The following PDE9A variants were observed in gnomAD, a reference collection of about 807,000 sequenced individuals.
PDE9A encodes phosphodiesterase 9A.
A neutral mutation model predicts 87.4 loss-of-function variants in PDE9A; 60 were observed. The observed-to-expected ratio is 0.69, with a 90% CI of 0.56 to 0.85. The LOEUF (loss-of-function observed/expected upper bound fraction) is 0.85. PDE9A is among the 40% of genes least tolerant of loss of function. The probability of loss-of-function intolerance (pLI) is 0.00; values close to 1 mark genes in which losing one functional copy is unlikely to be tolerated. For missense variants in PDE9A, 665 were observed against 779.0 expected (o/e 0.85, Z 1.74); for synonymous variants, 272 against 279.4 (o/e 0.97, Z 0.27).
At chr21:42,767,349 G>A (rs2056510795) in intron 15 of PDE9A, among the ~76,000 whole-genome samples, 1 of 152,156 alleles carries the variant, frequency 6.6e-6, no homozygotes, top group Admixed American at 6.5e-5. Context: ...CACTGAGGCC[G>A]GCCAGGCACA....
At chr21:42,686,919 C>CA (rs1446336562) in intron 2 of PDE9A, among the ~76,000 whole-genome samples, 1 of 152,228 alleles carries the variant, frequency 6.6e-6, no homozygotes, top group East Asian at 1.9e-4. Context: ...CCCAGCCCCA[C>CA]ATCACCCCAT....
At chr21:42,773,401 C>T (rs893270561) in intron 19 of PDE9A, among the ~76,000 whole-genome samples, 6 of 152,066 alleles carry the variant, frequency 3.9e-5, no homozygotes, top group Non-Finnish European at 7.3e-5. Context: ...GAAAACTTTT[C>T]ACAAATCACG....
intron 8 of PDE9A, among the ~76,000 whole-genome samples, chr21:42,748,975 T>A (rs1440133722): frequency 3.3e-5 from 5 of 152,232 alleles, no homozygotes; most frequent in African/African-American, 1.2e-4. Context: ...ATCCTCCTAA[T>A]GGCATAATAG....
chr21:42,658,345 G>A (rs1319440427), intron 1 of PDE9A, among the ~76,000 whole-genome samples: 1 of 152,186 alleles, frequency 6.6e-6, no homozygotes, highest in Non-Finnish European at 1.5e-5. Flanking sequence ...CTACTGATCT[G>A]TCCTGTTCAG....
chr21:42,734,099 C>G (rs2052127197), intron 7 of PDE9A: 2 of 151,978 alleles, frequency 1.3e-5, no homozygotes, highest in South Asian at 4.1e-4. Flanking sequence ...GATGCCGGCA[C>G]CAGGCTTCCT....
rs115863598 is a variant in PDE9A at position 42,707,363 on chromosome 21, G to A, written c.262+8352G>A. On this transcript the variant is annotated intron_variant, in intron 4 of 19. Transcript: ENST00000291539. ...CCAACCCCTGAGTCCCCCTACCTGA[G>A]GACTTCCTCTGTGTGTGGCATACGC... Among the ~76,000 whole-genome samples the A allele has an allele frequency of 8.1e-3, 1,231 of 152,248 alleles. 18 individuals carry two copies. The highest frequency in any genetic ancestry group is 0.028 in the African/African-American group (1,167 of 41,546).
At chr21:42,688,876 T>A (rs1438855075) in intron 3 of PDE9A, among the ~76,000 whole-genome samples, 2 of 152,218 alleles carry the variant, frequency 1.3e-5, no homozygotes, top group African/African-American at 4.8e-5. Context: ...CAGACCCTTG[T>A]GTCAGTGAGG....
At chr21:42,769,361 A>G (rs1211775957) in intron 17 of PDE9A, among the ~76,000 whole-genome samples, 2 of 150,864 alleles carry the variant, frequency 1.3e-5, no homozygotes, top group African/African-American at 4.9e-5. Flanking sequence ...ACACACAGGC[A>G]CACACTTGTG....
chr21:42,671,282 A>G (rs565096633), intron 1 of PDE9A, among the ~76,000 whole-genome samples: 39 of 152,328 alleles, frequency 2.6e-4, no homozygotes, highest in Non-Finnish European at 3.7e-4. Context: ...GAGCATTTCC[A>G]TAACAGGGAA....
Position 42,714,664 on chromosome 21 carries a change from C to A in PDE9A, c.262+15653C>A, listed in dbSNP as rs373053454. ...CTACCAGTCTTTGTTGATTAGCTCT[C>A]CCAGTCTTTGTTGATATGGTTGGGG... On this transcript the variant is annotated intron_variant, in intron 4 of 19. Transcript: ENST00000291539. 1.0e-4 allele frequency among the ~76,000 whole-genome samples: 14 copies of A among 138,680 alleles called. No homozygotes were observed. In the South Asian group the frequency reaches 1.6e-3, roughly 16 times the overall value. The allele number at this position is 138,680 out of a possible 152,430, so 91.0% of individuals were successfully genotyped here. A position where few individuals can be genotyped will look rare whatever the true frequency, so the allele number is the denominator to read the frequency against.
chr21:42,749,004 T>C (rs1055637572), intron 8 of PDE9A, among the ~76,000 whole-genome samples: 1 of 152,348 alleles, frequency 6.6e-6, no homozygotes, highest in East Asian at 1.9e-4. Context: ...GCGGAGGCAC[T>C]GTGCTGGTTT....
At chr21:42,690,046 G>A (rs2059709946) in intron 3 of PDE9A, 1 of 985,288 alleles carries the variant, frequency 1.0e-6, no homozygotes, top group Admixed American at 6.1e-5. Context: ...CGCGGATGAG[G>A]ATACAGATGG....
chr21:42,675,275 A>G lies in PDE9A; in HGVS notation c.70-10917A>G, dbSNP rs1478497206. On this transcript the variant is annotated intron_variant, in intron 1 of 19. Transcript: ENST00000291539. This position sits in a 1 kb window ranked among gnomAD's most constrained non-coding sequence, Gnocchi z 4.3. ...CCATCATGGAGGCTCACTAAAATGT[A>G]ATCACTTCATTGTTTATGAGATACT... 6.6e-6 allele frequency among the ~76,000 whole-genome samples: 1 copy of G among 152,260 alleles called. No homozygotes were observed. Among genetic ancestry groups the G allele is most frequent in the African/African-American group, 2.4e-5 (1 of 41,462 alleles).
chr21:42,772,007 G>A (rs147572974), intron 18 of PDE9A, among the ~76,000 whole-genome samples: 90 of 152,276 alleles, frequency 5.9e-4, no homozygotes, highest in East Asian at 4.8e-3. Context: ...TGGGCCCTCC[G>A]AGAGCCATAG....
rs2052893801 is a variant in PDE9A at position 42,739,664 on chromosome 21, C to T, written c.569-4112C>T. On this transcript the variant is annotated intron_variant, in intron 7 of 19. Transcript: ENST00000291539. The surrounding 1 kb of genome is among the most constrained non-coding windows in gnomAD (Gnocchi z 4.1). ...ACTAGTGAAGCTGTGCTGTGTCACC[C>T]AGGAGGCTTAATTTTAACATCACCT... 6.6e-6 allele frequency among the ~76,000 whole-genome samples: 1 copy of T among 151,982 alleles called. No individual in the cohort carries two copies. The highest frequency in any genetic ancestry group is 1.5e-5 in the Non-Finnish European group (1 of 68,026).
At chr21:42,764,320 C>T (rs2056141046) in intron 14 of PDE9A, among the ~76,000 whole-genome samples, 1 of 152,226 alleles carries the variant, frequency 6.6e-6, no homozygotes, top group Non-Finnish European at 1.5e-5. Flanking sequence ...TCTGGCCTCT[C>T]CTCCATGTTT....
chr21:42,670,091 TCATA>T (rs2058314902), intron 1 of PDE9A, among the ~76,000 whole-genome samples: 2 of 151,598 alleles, frequency 1.3e-5, no homozygotes, highest in Admixed American at 1.3e-4. Context: ...ACACACATTC[TCATA>T]CACTCACACA....
chr21:42,769,743 C>CGTACAG (rs1602592862), intron 17 of PDE9A, among the ~76,000 whole-genome samples: 1 of 151,226 alleles, frequency 6.6e-6, no homozygotes, highest in East Asian at 1.9e-4. Context: ...GAGGCACACA[C>CGTACAG]ATGCACACAC....
intron 7 of PDE9A, chr21:42,734,107 CCTGTAAAGCCCACAGAA>C (rs908997165): frequency 1.3e-5 from 2 of 152,056 alleles, no homozygotes; most frequent in Non-Finnish European, 2.9e-5. Context: ...CACCAGGCTT[CCTGTAAAGCCCACAGAA>C]CTGGGAGCCA....
Sources: gnomAD v4.1 joint callset for allele counts (sites outside exome capture counted in the v4.1 genomes callset) on GRCh38, gnomAD v4.1.1 for gene constraint, Gnocchi (gnomAD v3.1) non-coding constraint, MANE v1.5 for transcripts, NCBI Gene and HGNC (gene_info 2026-07-23, HGNC 2026-07-21) for gene names.